The following TPTE2 variants were observed in gnomAD, a reference collection of about 807,000 sequenced individuals.
TPTE2 encodes transmembrane phosphoinositide 3-phosphatase and tensin homolog 2.
A neutral mutation model predicts 78.6 loss-of-function variants in TPTE2; 53 were observed. The ratio of observed to expected loss-of-function variants is 0.67; its 90% confidence interval spans 0.54 to 0.85. The LOEUF (loss-of-function observed/expected upper bound fraction) is 0.85, where lower values mean the gene tolerates loss of function less well. Among genes scored for constraint, TPTE2 ranks in the 40% least tolerant of loss-of-function variants. The pLI, the probability that TPTE2 is intolerant of heterozygous loss-of-function variation, is 0.00. For missense variants in TPTE2, 461 were observed against 623.0 expected (o/e 0.74, Z 2.77); for synonymous variants, 175 against 206.2 (o/e 0.85, Z 1.30).
exon 9 of TPTE2, chr13:19,465,276 G>A (rs1879191660): frequency 5.0e-6 from 8 of 1,613,708 alleles, no homozygotes; most frequent in Non-Finnish European, 6.8e-6. Context: ...GTGAGGTCTA[G>A]GTCAAATCCA....
At position 19,535,618 on chromosome 13, in the gene TPTE2, ATTT is replaced by A; in HGVS notation, c.-44+975_-44+977del. Among the ~76,000 whole-genome samples, 1 of 137,132 alleles carries A rather than the reference ATTT, an allele frequency of 7.3e-6. No individual in the cohort carries two copies. Among genetic ancestry groups the A allele is most frequent in the South Asian group, 2.4e-4 (1 of 4,144 alleles). 90.0% of individuals were successfully genotyped at this position (137,132 alleles called of 152,430 possible). A position where few individuals can be genotyped will look rare whatever the true frequency, so the allele number is the denominator to read the frequency against. ...TACTATCTCCAGGATTTTCTTATTT[ATTT>A]ATTTATTTATTTATTTATTTATTTA... On this transcript the variant is annotated intron_variant, in intron 1 of 17. Coordinates refer to the TPTE2 transcript ENST00000390680. The surrounding 1 kb of genome is among the most constrained non-coding windows in gnomAD (Gnocchi z 5.1).
chr13:19,528,045 G>T (rs368663187), intron 1 of TPTE2, among the ~76,000 whole-genome samples: 1 of 152,228 alleles, frequency 6.6e-6, no homozygotes, highest in East Asian at 1.9e-4. Context: ...TGTGGCAACT[G>T]CAGTAAGTCA....
chr13:19,443,767 CACACACACACA>C (rs1250707664), intron 13 of TPTE2, among the ~76,000 whole-genome samples: 6 of 127,790 alleles, frequency 4.7e-5, no homozygotes, highest in Non-Finnish European at 6.7e-5. Flanking sequence ...CACACACACA[CACACACACACA>C]CAGTCGTTAA....
intron 1 of TPTE2, among the ~76,000 whole-genome samples, chr13:19,497,358 A>C (rs1220900249): frequency 1.5e-5 from 2 of 135,940 alleles, no homozygotes; most frequent in East Asian, 2.2e-4. Flanking sequence ...GGCACAGACA[A>C]ACAAAAAGAC....
intron 19 of TPTE2, among the ~76,000 whole-genome samples, chr13:19,423,699 A>T (rs1407439563): frequency 6.6e-6 from 1 of 152,134 alleles, no homozygotes; most frequent in Non-Finnish European, 1.5e-5. Flanking sequence ...CAACAATCTC[A>T]TAACTAACAA....
chr13:19,452,986 A>ATTTAT (rs201604917), intron 10 of TPTE2, among the ~76,000 whole-genome samples: 2,992 of 19,704 alleles, frequency 0.15, 119 homozygotes, highest in African/African-American at 0.21. Flanking sequence ...ATTTTATTTT[A>ATTTAT]TTTATTTTAT....
intron 1 of TPTE2, among the ~76,000 whole-genome samples, chr13:19,536,099 G>T (rs537630151): frequency 5.3e-5 from 8 of 152,050 alleles, no homozygotes; most frequent in African/African-American, 7.2e-5. Context: ...CTATTTGATT[G>T]TCTCAGTTTA....
At chr13:19,439,130 C>A (rs1877317236) in intron 13 of TPTE2, among the ~76,000 whole-genome samples, 1 of 152,250 alleles carries the variant, frequency 6.6e-6, no homozygotes, top group Non-Finnish European at 1.5e-5. Flanking sequence ...CCCCCAATCC[C>A]CCTACCCCTA....
intron 10 of TPTE2, among the ~76,000 whole-genome samples, chr13:19,456,021 C>T (rs1878518081): frequency 6.6e-6 from 1 of 151,778 alleles, no homozygotes; most frequent in Non-Finnish European, 1.5e-5. Context: ...TTCAATATTA[C>T]CGTGAAAGTC....
intron 4 of TPTE2, among the ~76,000 whole-genome samples, chr13:19,481,076 GGTTA>G (rs1474503560): frequency 6.6e-6 from 1 of 152,160 alleles, no homozygotes; most frequent in Non-Finnish European, 1.5e-5. Context: ...TAAGTAATAA[GGTTA>G]TTTACAAAAG....
At chr13:19,480,223 T>C (rs535047617) in intron 4 of TPTE2, among the ~76,000 whole-genome samples, 2 of 152,174 alleles carry the variant, frequency 1.3e-5, no homozygotes, top group South Asian at 2.1e-4. Context: ...GAGGTGGCCA[T>C]GATGTAAAGC....
the TPTE2 span, among the ~76,000 whole-genome samples, chr13:19,543,356 CTGT>C: frequency 1.2e-5 from 1 of 81,580 alleles, no homozygotes; most frequent in Non-Finnish European, 2.9e-5. Flanking sequence ...CCCAGCCTCT[CTGT>C]TTTTTTTTTT....
chr13:19,432,922 G>A (rs1445353293), intron 15 of TPTE2, among the ~76,000 whole-genome samples: 3 of 152,166 alleles, frequency 2.0e-5, no homozygotes, highest in African/African-American at 7.2e-5. Flanking sequence ...TGAGTTAGAG[G>A]AAGGCTTGTG....
chr13:19,448,142 A>G (rs1267540050), intron 13 of TPTE2, among the ~76,000 whole-genome samples: 2 of 152,196 alleles, frequency 1.3e-5, no homozygotes, highest in Admixed American at 1.3e-4. Context: ...AGAAAAATGA[A>G]ATTGCAACCT....
the TPTE2 span, among the ~76,000 whole-genome samples, chr13:19,558,236 A>G: frequency 1.3e-5 from 2 of 152,306 alleles, no homozygotes; most frequent in African/African-American, 4.8e-5. Context: ...GTATTAAATA[A>G]AAAGTATTAC....
intron 1 of TPTE2, among the ~76,000 whole-genome samples, chr13:19,502,748 T>C (rs1868695627): frequency 6.6e-6 from 1 of 151,664 alleles, no homozygotes; most frequent in African/African-American, 2.4e-5. Context: ...TGTATACATA[T>C]GTAACTAACC....
chr13:19,445,130 A>T (rs1877742530), intron 13 of TPTE2, among the ~76,000 whole-genome samples: 1 of 152,216 alleles, frequency 6.6e-6, no homozygotes, highest in Non-Finnish European at 1.5e-5. Flanking sequence ...AACTTCTGTT[A>T]ACCAGAAGAT....
At chr13:19,490,087 G>A (rs997701318) in intron 3 of TPTE2, among the ~76,000 whole-genome samples, 1 of 152,122 alleles carries the variant, frequency 6.6e-6, no homozygotes, top group African/African-American at 2.4e-5. Flanking sequence ...CTTATATTAT[G>A]TAAAGGTGCT....
exon 14 of TPTE2, chr13:19,438,099 G>T: frequency 6.2e-7 from 1 of 1,607,408 alleles, no homozygotes; most frequent in Non-Finnish European, 8.5e-7. Context: ...TACCTCGGCA[G>T]TTAAAAATAT....
Sources: allele counts gnomAD v4.1 joint callset (sites outside exome capture counted in the v4.1 genomes callset), GRCh38; gene constraint gnomAD v4.1.1; non-coding constraint Gnocchi (gnomAD v3.1); transcripts MANE v1.5; gene names NCBI Gene and HGNC (gene_info 2026-07-23, HGNC 2026-07-21).